The following FOXP1 variants were observed in gnomAD, a reference collection of about 807,000 sequenced individuals.
The protein encoded by FOXP1 is forkhead box P1.
Under a neutral mutation model 98.2 loss-of-function variants are expected in FOXP1, and 15 were observed. That is an observed-to-expected ratio of 0.15 (90% CI 0.10 to 0.24). The LOEUF is 0.24. Among genes scored for constraint, FOXP1 ranks in the 10% least tolerant of loss-of-function variants. FOXP1 has a pLI of 1.00. For missense variants in FOXP1, 633 were observed against 848.5 expected (o/e 0.75, Z 3.15); for synonymous variants, 371 against 314.5 (o/e 1.18, Z -1.90).
chr3:71,267,126 T>A (rs2686273), intron 5 of FOXP1, among the ~76,000 whole-genome samples: 6,101 of 30,210 alleles, frequency 0.2, 210 homozygotes, highest in African/African-American at 0.38. Context: ...TGGGAGAGAG[T>A]GTGTGTGTGT....
chr3:71,255,455 T>G (rs1389570048), intron 5 of FOXP1, among the ~76,000 whole-genome samples: 1 of 152,202 alleles, frequency 6.6e-6, no homozygotes, highest in Admixed American at 6.5e-5. Flanking sequence ...CATTTTGATT[T>G]TATTATGTTT....
intron 2 of FOXP1, among the ~76,000 whole-genome samples, chr3:71,496,186 T>C (rs1440524600): frequency 6.6e-6 from 1 of 152,230 alleles, no homozygotes; most frequent in African/African-American, 2.4e-5. Flanking sequence ...AAAGGATGGA[T>C]GAGGTCATGC....
chr3:71,527,220 A>G (rs2043462138), intron 2 of FOXP1, among the ~76,000 whole-genome samples: 1 of 152,202 alleles, frequency 6.6e-6, no homozygotes, highest in African/African-American at 2.4e-5. Flanking sequence ...AAACAGTAAC[A>G]GGTGATCTGT....
chr3:71,168,732 C>G (rs1198311970), intron 6 of FOXP1, among the ~76,000 whole-genome samples: 1 of 152,196 alleles, frequency 6.6e-6, no homozygotes, highest in Non-Finnish European at 1.5e-5. Context: ...AAATGTTTAA[C>G]AATTGATAAA....
At chr3:71,134,104 C>T (rs542551932) in intron 6 of FOXP1, among the ~76,000 whole-genome samples, 1 of 152,204 alleles carries the variant, frequency 6.6e-6, no homozygotes, top group Non-Finnish European at 1.5e-5. Context: ...CCCAAACCCG[C>T]TCACACTGGT....
intron 2 of FOXP1, among the ~76,000 whole-genome samples, chr3:71,555,719 G>A (rs756363622): frequency 1.3e-5 from 2 of 151,968 alleles, no homozygotes; most frequent in African/African-American, 2.4e-5. Flanking sequence ...CAGTGAAACC[G>A]AAAAAAGTGC....
intron 20 of FOXP1, among the ~76,000 whole-genome samples, chr3:70,963,356 G>C (rs888285239): frequency 2.0e-5 from 3 of 152,164 alleles, no homozygotes; most frequent in Non-Finnish European, 2.9e-5. Context: ...ATACCCCTGG[G>C]GTGTGGCAAA....
chr3:71,200,842 T>C (rs2063628719), intron 5 of FOXP1, among the ~76,000 whole-genome samples: 1 of 152,246 alleles, frequency 6.6e-6, no homozygotes. Context: ...GTCTGTTTTC[T>C]ACAGACTTGC....
At chr3:71,238,243 C>G (rs755440300) in intron 5 of FOXP1, among the ~76,000 whole-genome samples, 1 of 152,220 alleles carries the variant, frequency 6.6e-6, no homozygotes, top group Non-Finnish European at 1.5e-5. Context: ...TGGTCACTTT[C>G]TACCTGCATA....
rs80155453 is a variant in FOXP1, at chr3:71,307,093, T to C, written c.-72-7213A>G. Among the ~76,000 whole-genome samples the C allele has an allele frequency of 7.9e-4, 120 of 152,376 alleles. 4 individuals are homozygous for C. In the East Asian group the frequency reaches 0.023, roughly 29 times the overall value. ...CTTTTGCAGTATTAAATGATTTTGA[T>C]TGAAACATAAATAAGATTATGTTCG... On this transcript the variant is annotated intron_variant, in intron 4 of 20. Coordinates refer to ENST00000649528, the MANE Select transcript of FOXP1 (RefSeq NM_001349338.3).
At chr3:71,437,212 A>C (rs1190834876) in intron 3 of FOXP1, among the ~76,000 whole-genome samples, 1 of 152,086 alleles carries the variant, frequency 6.6e-6, no homozygotes, top group East Asian at 1.9e-4. Flanking sequence ...TTCGAGACCA[A>C]CCTGGGCAAC....
At chr3:71,362,092 A>C (rs2078610137) in intron 3 of FOXP1, among the ~76,000 whole-genome samples, 1 of 152,242 alleles carries the variant, frequency 6.6e-6, no homozygotes, top group South Asian at 2.1e-4. Context: ...CCTGGATCAC[A>C]ATATGGCCAA....
intron 4 of FOXP1, among the ~76,000 whole-genome samples, chr3:71,327,959 C>T (rs532320262): frequency 4.6e-5 from 7 of 152,220 alleles, no homozygotes; most frequent in African/African-American, 7.2e-5. Flanking sequence ...AACCTCTCTA[C>T]ACATGACAGT....
At chr3:71,233,927 C>G (rs929707731) in intron 5 of FOXP1, among the ~76,000 whole-genome samples, 1 of 152,074 alleles carries the variant, frequency 6.6e-6, no homozygotes, top group Non-Finnish European at 1.5e-5. Context: ...GCTCTTTCTT[C>G]GAGGGTTTGT....
At chr3:71,376,241 T>C (rs1436927112) in intron 3 of FOXP1, among the ~76,000 whole-genome samples, 1 of 152,112 alleles carries the variant, frequency 6.6e-6, no homozygotes, top group Non-Finnish European at 1.5e-5. Context: ...TCCCATCTTA[T>C]AGACAAGCAA....
intron 2 of FOXP1, among the ~76,000 whole-genome samples, chr3:71,494,601 C>A (rs1020068037): frequency 6.6e-6 from 1 of 152,142 alleles, no homozygotes; most frequent in African/African-American, 2.4e-5. Flanking sequence ...AGCTCCATGT[C>A]CTGCAGAAAT....
At chr3:71,413,344 A>G (rs1465757235) in intron 3 of FOXP1, among the ~76,000 whole-genome samples, 1 of 150,668 alleles carries the variant, frequency 6.6e-6, no homozygotes, top group Admixed American at 6.6e-5. Flanking sequence ...CTTCATCCAT[A>G]TGACACAATG....
intron 20 of FOXP1, among the ~76,000 whole-genome samples, chr3:70,960,072 T>G (rs781676447): frequency 6.6e-6 from 1 of 152,200 alleles, no homozygotes; most frequent in Non-Finnish European, 1.5e-5. Context: ...GCAGAACCTG[T>G]GAAAGAACTC....
chr3:71,544,016 C>A (rs62244887), intron 2 of FOXP1, among the ~76,000 whole-genome samples: 1 of 74,854 alleles, frequency 1.3e-5, no homozygotes, highest in Non-Finnish European at 4.1e-5. Context: ...TGTGTGTATA[C>A]ACACATATAC....
Sources: allele counts gnomAD v4.1 joint callset (sites outside exome capture counted in the v4.1 genomes callset), GRCh38; gene constraint gnomAD v4.1.1; transcripts MANE v1.5; gene names NCBI Gene and HGNC (gene_info 2026-07-23, HGNC 2026-07-21).